The following NR3C1 variants were observed in gnomAD, a reference collection of about 807,000 sequenced individuals.
The protein encoded by NR3C1 is glucocorticoid receptor.
In NR3C1, 14 loss-of-function variants were observed where a neutral mutation model predicts 74.0. The ratio of observed to expected loss-of-function variants is 0.19; its 90% CI spans 0.12 to 0.30. The LOEUF is 0.30. Among genes scored for constraint, NR3C1 ranks in the 10% least tolerant of loss-of-function variants. The probability of loss-of-function intolerance (pLI) is 1.00; values close to 1 mark genes in which losing one functional copy is unlikely to be tolerated. For synonymous variants in NR3C1, 308 were observed against 332.5 expected (o/e 0.93, Z 0.80); for missense variants, 695 against 909.8 (o/e 0.76, Z 3.04).
chr5:143,402,304 T>C (rs564361224), intron 1 of NR3C1, among the ~76,000 whole-genome samples: 1 of 152,212 alleles, frequency 6.6e-6, no homozygotes, highest in Non-Finnish European at 1.5e-5. Context: ...AGCGACATTA[T>C]CCCCCAGTTT....
intron 2 of NR3C1, among the ~76,000 whole-genome samples, chr5:143,329,469 A>ATT (rs965686345): frequency 6.6e-6 from 1 of 152,206 alleles, no homozygotes; most frequent in Non-Finnish European, 1.5e-5. Context: ...GGACTCAGAA[A>ATT]TGTTAGAGAA....
intron 1 of NR3C1, among the ~76,000 whole-genome samples, chr5:143,421,125 T>G (rs952970599): frequency 6.6e-6 from 1 of 152,112 alleles, no homozygotes; most frequent in African/African-American, 2.4e-5. Context: ...CTTGCAACAG[T>G]GTGGGCTTTT....
At chr5:143,347,429 G>A (rs1481054793) in intron 2 of NR3C1, among the ~76,000 whole-genome samples, 3 of 152,122 alleles carry the variant, frequency 2.0e-5, no homozygotes, top group African/African-American at 7.2e-5. Flanking sequence ...TCTAATGTTA[G>A]TTATTTTTTT....
At chr5:143,293,214 T>C (rs1237360783) in intron 7 of NR3C1, among the ~76,000 whole-genome samples, 1 of 152,140 alleles carries the variant, frequency 6.6e-6, no homozygotes, top group African/African-American at 2.4e-5. Flanking sequence ...AGGAACAAAA[T>C]AATGGCATTT....
chr5:143,370,392 A>G lies in NR3C1; in HGVS notation c.1184+29264T>C, dbSNP rs537775060. ...TGAAAAATGTTAACTTCAAAGAATA[A>G]TGCATATCGTCAGCATTCTTCTCAA... On this transcript the variant is annotated intron_variant, in intron 2 of 8. Coordinates refer to ENST00000394464, the MANE Select transcript of NR3C1 (RefSeq NM_000176.3). 1.2e-4 allele frequency among the ~76,000 whole-genome samples: 19 copies of G among 152,330 alleles called. No individual in the cohort carries two copies. The South Asian group carries it at 3.5e-3, about 28-fold the overall frequency.
intron 3 of NR3C1, 49 bp from the exon 4 acceptor site, chr5:143,310,262 A>G: frequency 7.8e-7 from 1 of 1,282,710 alleles, no homozygotes; most frequent in Non-Finnish European, 1.1e-6. Context: ...CTTCAAACAT[A>G]TTTTATAAGG....
chr5:143,317,931 C>T (rs1281547936), intron 2 of NR3C1, among the ~76,000 whole-genome samples: 11 of 152,060 alleles, frequency 7.2e-5, no homozygotes, highest in South Asian at 2.1e-4. Context: ...AGTACTATTA[C>T]GAAGAGAATC....
At chr5:143,434,474 T>C in intron 1 of NR3C1, 1 of 915,332 alleles carries the variant, frequency 1.1e-6, no homozygotes, top group Non-Finnish European at 1.3e-6. Flanking sequence ...CTTTAACAAG[T>C]AACTTTGTTA....
At chr5:143,405,777 C>T (rs1841076402), upstream of NR3C1, among the ~76,000 whole-genome samples, 3 of 152,102 alleles carry the variant, frequency 2.0e-5, no homozygotes, top group Admixed American at 2.0e-4. Context: ...CCCTTCTGGA[C>T]CCAGAAGGCA....
chr5:143,429,109 A>G (rs71590945), intron 1 of NR3C1, among the ~76,000 whole-genome samples: 1 of 152,216 alleles, frequency 6.6e-6, no homozygotes, highest in Admixed American at 6.5e-5. Context: ...ATAATAAATA[A>G]CAATGATAAT....
chr5:143,390,970 G>C (rs568429315), intron 2 of NR3C1, among the ~76,000 whole-genome samples: 1 of 152,148 alleles, frequency 6.6e-6, no homozygotes, highest in East Asian at 1.9e-4. Context: ...TCTGAAGGCA[G>C]TTTCAAAGAG....
At chr5:143,307,315 G>A (rs972958543) in intron 4 of NR3C1, among the ~76,000 whole-genome samples, 1 of 152,148 alleles carries the variant, frequency 6.6e-6, no homozygotes, top group Admixed American at 6.5e-5. Flanking sequence ...GCCTGGGGTC[G>A]TCTTCTAGTA....
At chr5:143,354,546 T>C (rs1830767385) in intron 2 of NR3C1, among the ~76,000 whole-genome samples, 1 of 152,172 alleles carries the variant, frequency 6.6e-6, no homozygotes, top group Non-Finnish European at 1.5e-5. Context: ...AGACAGGGAA[T>C]GGCCAGTTGG....
chr5:143,281,774 C>T lies in NR3C1; in HGVS notation c.*115G>A, dbSNP rs961204458. 8.5e-7 allele frequency: 1 copy of T among 1,180,122 alleles called. No homozygotes were observed. Among genetic ancestry groups the T allele is most frequent in the Non-Finnish European group, 1.2e-6 (1 of 817,510 alleles). 73.1% of individuals were successfully genotyped at this position (1,180,122 alleles called of 1,614,324 possible). A position where few individuals can be genotyped will look rare whatever the true frequency, so the allele number is the denominator to read the frequency against. On this transcript the variant is annotated 3_prime_UTR_variant, in exon 9 of 9. Coordinates refer to ENST00000394464, the MANE Select transcript of NR3C1 (RefSeq NM_000176.3). ...GTAGTGCGTATTTAAAACAAAACAA[C>T]AGATGAAAACAATAAAAAATAAAAC... is the stretch of plus-strand genomic sequence containing the variant.
intron 4 of NR3C1, among the ~76,000 whole-genome samples, chr5:143,307,966 T>C (rs1251198598): frequency 1.3e-5 from 2 of 152,230 alleles, no homozygotes; most frequent in East Asian, 3.8e-4. Flanking sequence ...TGGGCAGCTA[T>C]CATTTTATGT....
intron 2 of NR3C1, among the ~76,000 whole-genome samples, chr5:143,378,277 A>C (rs1474394554): frequency 6.6e-6 from 1 of 152,094 alleles, no homozygotes; most frequent in Non-Finnish European, 1.5e-5. Flanking sequence ...TACAAAATGA[A>C]TTGGGAAATG....
At chr5:143,325,863 A>G (rs2151673555) in intron 2 of NR3C1, among the ~76,000 whole-genome samples, 1 of 152,334 alleles carries the variant, frequency 6.6e-6, no homozygotes, top group South Asian at 2.1e-4. Context: ...GAGGAAAGAA[A>G]TAGTTTTTAA....
At chr5:143,369,598 G>A (rs918821719) in intron 2 of NR3C1, among the ~76,000 whole-genome samples, 15 of 152,134 alleles carry the variant, frequency 9.9e-5, no homozygotes, top group Non-Finnish European at 1.6e-4. Context: ...CCAGGTACAA[G>A]AAGCCACATA....
chr5:143,382,522 G>A (rs950915239), intron 2 of NR3C1, among the ~76,000 whole-genome samples: 3 of 152,184 alleles, frequency 2.0e-5, no homozygotes, highest in Non-Finnish European at 2.9e-5. Flanking sequence ...TGCTTTTTAA[G>A]TGCCAGACAC....
Sources: allele counts gnomAD v4.1 joint callset (sites outside exome capture counted in the v4.1 genomes callset), GRCh38; gene constraint gnomAD v4.1.1; transcripts MANE v1.5; gene names NCBI Gene and HGNC (gene_info 2026-07-23, HGNC 2026-07-21).